Variants in VPS13B observed in about 807,000 individuals in gnomAD.
VPS13B encodes the protein intermembrane lipid transfer protein VPS13B.
Under a neutral mutation model 426.4 loss-of-function variants are expected in VPS13B, and 285 were observed. That is an observed-to-expected ratio of 0.67 (90% confidence interval 0.61 to 0.74). The LOEUF is 0.74. Ranked by LOEUF, VPS13B falls within the 30% of genes least tolerant of loss-of-function variation. VPS13B has a pLI of 0.00. For missense variants in VPS13B, 4,537 were observed against 4,782.6 expected (o/e 0.95, Z 1.51); for synonymous variants, 1,676 against 1,676.4 (o/e 1.00, Z 0.01).
chr8:99,070,284 T>C (rs1290011992), intron 3 of VPS13B, among the ~76,000 whole-genome samples: 1 of 152,220 alleles, frequency 6.6e-6, no homozygotes, highest in Admixed American at 6.5e-5. Flanking sequence ...AGTAGGTTAT[T>C]AACATCCTAA....
chr8:99,220,348 A>C (rs1187926464), intron 17 of VPS13B, among the ~76,000 whole-genome samples: 1 of 152,214 alleles, frequency 6.6e-6, no homozygotes, highest in Non-Finnish European at 1.5e-5. Context: ...TCTTAGGCCA[A>C]GTATAATTAC....
chr8:99,816,509 A>G (rs1405938783), intron 44 of VPS13B, among the ~76,000 whole-genome samples: 1 of 152,148 alleles, frequency 6.6e-6, no homozygotes, highest in East Asian at 1.9e-4. Context: ...ATAAAGATAA[A>G]ACTTACACAG....
chr8:99,028,668 G>T (rs1842299386), intron 2 of VPS13B, among the ~76,000 whole-genome samples: 1 of 133,724 alleles, frequency 7.5e-6, no homozygotes, highest in African/African-American at 2.8e-5. Flanking sequence ...CCAGGTGGGG[G>T]GCTGACCCCC....
chr8:99,622,004 G>T (rs1270428795), intron 33 of VPS13B, among the ~76,000 whole-genome samples: 1 of 151,466 alleles, frequency 6.6e-6, no homozygotes, highest in African/African-American at 2.4e-5. Context: ...GGGCTTTTTT[G>T]TATTTTTAGT....
chr8:99,750,729 G>A (rs1432257733), intron 39 of VPS13B, among the ~76,000 whole-genome samples: 2 of 152,112 alleles, frequency 1.3e-5, no homozygotes, highest in African/African-American at 2.4e-5. Context: ...GATATGCACA[G>A]ATAACAACAT....
chr8:99,765,004 G>A (rs1463244523), intron 39 of VPS13B, among the ~76,000 whole-genome samples: 1 of 152,086 alleles, frequency 6.6e-6, no homozygotes, highest in Non-Finnish European at 1.5e-5. Context: ...CCAGCAGTTT[G>A]GGAGGCTGAA....
chr8:99,235,552 C>T (rs900571423), intron 17 of VPS13B, among the ~76,000 whole-genome samples: 1 of 152,042 alleles, frequency 6.6e-6, no homozygotes, highest in Non-Finnish European at 1.5e-5. Flanking sequence ...ACAGCAAAAT[C>T]CTGTGTTTTC....
chr8:99,078,749 A>G (rs1724298761), intron 3 of VPS13B, among the ~76,000 whole-genome samples: 1 of 152,092 alleles, frequency 6.6e-6, no homozygotes, highest in Non-Finnish European at 1.5e-5. Flanking sequence ...TAGCGGTGGC[A>G]GGCCAACCAT....
At position 99,848,767 on chromosome 8, in the gene VPS13B, T is replaced by G; in HGVS notation, c.9943-9T>G. The G allele has an allele frequency of 6.2e-7, 1 of 1,613,246 alleles. No individual in the cohort carries two copies. The highest frequency in any genetic ancestry group is 2.2e-5 in the East Asian group (1 of 44,870). Reference sequence around the variant, plus strand: ...CTTTTTAATCAGATTTTGAATATTCTTTCTGCAGGTTGTGTTCCTGACTGG... The same window carrying G: ...CTTTTTAATCAGATTTTGAATATTCGTTCTGCAGGTTGTGTTCCTGACTGG... On this transcript the variant is annotated splice_polypyrimidine_tract_variant and intron_variant, in intron 54 of 61. Transcript: ENST00000357162.
At chr8:99,314,866 A>T (rs988759189) in intron 19 of VPS13B, among the ~76,000 whole-genome samples, 4 of 152,204 alleles carry the variant, frequency 2.6e-5, no homozygotes, top group Non-Finnish European at 5.9e-5. Context: ...TGATCCCCTT[A>T]TTATTATATT....
chr8:99,592,821 C>G (rs527326799), intron 33 of VPS13B, among the ~76,000 whole-genome samples: 53 of 152,220 alleles, frequency 3.5e-4, no homozygotes, highest in African/African-American at 1.3e-3. Context: ...GGAAAGGACT[C>G]TCTGTTTAAT....
chr8:99,149,800 C>T (rs978263266), intron 14 of VPS13B, among the ~76,000 whole-genome samples: 13 of 152,042 alleles, frequency 8.6e-5, no homozygotes, highest in African/African-American at 3.1e-4. Flanking sequence ...GTGAGATCAG[C>T]GATGGCATTA....
intron 34 of VPS13B, among the ~76,000 whole-genome samples, chr8:99,654,935 A>G (rs922008292): frequency 4.0e-5 from 6 of 151,186 alleles, no homozygotes; most frequent in African/African-American, 1.5e-4. Context: ...AGGAATCTCT[A>G]AGCACTCACC....
chr8:99,817,661 T>A lies in VPS13B; in HGVS notation c.8219T>A (p.Leu2740His), dbSNP rs1425134032. The change falls in exon 45 of 62, where the codon CTC becomes CAC. Residue 2740 changes from leucine (L) to histidine (H), a missense_variant. Around this residue, in one of 2 missense-constraint regions of VPS13B, gnomAD observed 4,311 missense variants for 4,474.3 expected, o/e 0.96. Coordinates refer to ENST00000357162, the MANE Select transcript of VPS13B (RefSeq NM_152564.5). ...GTAGTTCGGGAACATTTTGACTGCC[T>A]CACAGCCAAACAGAAATTGCCTTCG... ...QAVVREHFDC[L>H]TAKQKLPSYI... 1 of 1,614,050 alleles carries A rather than the reference T, an allele frequency of 6.2e-7. No individual in the cohort carries two copies. Among genetic ancestry groups the A allele is most frequent in the Non-Finnish European group, 8.5e-7 (1 of 1,179,974 alleles).
intron 30 of VPS13B, among the ~76,000 whole-genome samples, chr8:99,542,480 A>G (rs1175862709): frequency 6.6e-6 from 1 of 152,184 alleles, no homozygotes; most frequent in Non-Finnish European, 1.5e-5. Context: ...GTCAGAAAAT[A>G]GAGGCAGAAA....
intron 36 of VPS13B, among the ~76,000 whole-genome samples, chr8:99,700,877 G>A (rs1056969572): frequency 2.0e-5 from 3 of 152,124 alleles, no homozygotes; most frequent in Non-Finnish European, 4.4e-5. Context: ...TGTAGCAAAA[G>A]GGAACCATGT....
At chr8:99,813,166 T>C (rs1326163587) in intron 44 of VPS13B, among the ~76,000 whole-genome samples, 1 of 152,230 alleles carries the variant, frequency 6.6e-6, no homozygotes, top group Non-Finnish European at 1.5e-5. Flanking sequence ...CATTTTTGGA[T>C]TTTCTTTCAT....
intron 12 of VPS13B, among the ~76,000 whole-genome samples, chr8:99,140,747 A>G (rs1810374804): frequency 6.6e-6 from 1 of 150,498 alleles, no homozygotes; most frequent in Non-Finnish European, 1.5e-5. Context: ...TTTGTTTACA[A>G]CTGAAACTCT....
chr8:99,130,344 A>AT (rs1809713007), intron 8 of VPS13B, among the ~76,000 whole-genome samples: 1 of 149,092 alleles, frequency 6.7e-6, no homozygotes, highest in Non-Finnish European at 1.5e-5. Context: ...TAAATCTAGC[A>AT]TTTTTCTAAG....
Sources: allele counts gnomAD v4.1 joint callset (sites outside exome capture counted in the v4.1 genomes callset), GRCh38; gene constraint gnomAD v4.1.1; regional missense constraint gnomAD v4.1.1; transcripts MANE v1.5; gene names NCBI Gene and HGNC (gene_info 2026-07-23, HGNC 2026-07-21).